Variants in ZFHX3 observed in about 807,000 individuals in gnomAD.
The protein encoded by ZFHX3 is zinc finger homeobox 3.
A neutral mutation model predicts 279.1 loss-of-function variants in ZFHX3; 42 were observed. The observed-to-expected ratio is 0.15, with a 90% CI of 0.12 to 0.19. The LOEUF is 0.19. Among genes scored for constraint, ZFHX3 ranks in the 10% least tolerant of loss-of-function variants. ZFHX3 has a pLI of 1.00. For synonymous variants in ZFHX3, 2,293 were observed against 1,957.8 expected (o/e 1.17, Z -4.52); for missense variants, 4,981 against 4,754.0 (o/e 1.05, Z -1.40).
chr16:73,327,095 A>G (rs928888548), intron 3 of ZFHX3, among the ~76,000 whole-genome samples: 2 of 152,226 alleles, frequency 1.3e-5, no homozygotes, highest in Non-Finnish European at 2.9e-5. Flanking sequence ...TGAAGCCCAG[A>G]CAAATGGTCA....
chr16:72,865,555 C>A (rs149646637), intron 4 of ZFHX3, among the ~76,000 whole-genome samples: 1 of 152,344 alleles, frequency 6.6e-6, no homozygotes, highest in East Asian at 1.9e-4. Context: ...CAAGGGCACA[C>A]TGACAAGGAG....
chr16:72,921,897 C>T (rs1264101461), intron 3 of ZFHX3, among the ~76,000 whole-genome samples: 2 of 152,200 alleles, frequency 1.3e-5, no homozygotes, highest in Admixed American at 6.5e-5. Context: ...ATGAAAATGG[C>T]CACACGCACA....
At position 72,795,430 on chromosome 16, in the gene ZFHX3, T is replaced by A. The variant is rs756797572; in HGVS notation, c.7252A>T (p.Thr2418Ser). 1 of 1,614,094 alleles carries A rather than the reference T, an allele frequency of 6.2e-7. No individual in the cohort carries two copies. Reference protein sequence around the residue: ...QLTAEAEELATFNSKTEAGDE... With the variant: ...QLTAEAEELASFNSKTEAGDE... ...CCTGCCTCTGTTTTTGAATTGAAGG[T>A]GGCCAGTTCCTCAGCCTCCGCTGTA... Residue 2418 changes from threonine (T) to serine (S), a missense_variant, in exon 9 of 10, where the codon ACC becomes TCC. By Grantham distance (58) the Thr-to-Ser change is moderately conservative. Transcript: ENST00000268489.
chr16:73,092,639 G>A (rs922359088), intron 8 of ZFHX3: 2 of 256,918 alleles, frequency 7.8e-6, no homozygotes, highest in South Asian at 4.6e-5. Context: ...AGCCGAGCGC[G>A]AACGCCGTGT....
chr16:73,112,774 G>A (rs118034341), intron 7 of ZFHX3, among the ~76,000 whole-genome samples: 2 of 149,766 alleles, frequency 1.3e-5, no homozygotes, highest in East Asian at 3.9e-4. Context: ...ACTGAGAAAG[G>A]GGAAGGTTAG....
At chr16:72,940,200 GC>G in intron 3 of ZFHX3, among the ~76,000 whole-genome samples, 1 of 152,234 alleles carries the variant, frequency 6.6e-6, no homozygotes, top group Non-Finnish European at 1.5e-5. Flanking sequence ...GTGAGCCATG[GC>G]CCCAAACAAG....
intron 7 of ZFHX3, among the ~76,000 whole-genome samples, chr16:73,128,438 G>A (rs921001884): frequency 6.6e-6 from 1 of 152,212 alleles, no homozygotes; most frequent in Non-Finnish European, 1.5e-5. Context: ...CTAGTGCTCA[G>A]AGAGGTTGAA....
At chr16:73,252,697 C>G (rs908031573) in intron 5 of ZFHX3, among the ~76,000 whole-genome samples, 4 of 152,064 alleles carry the variant, frequency 2.6e-5, no homozygotes, top group African/African-American at 9.7e-5. Context: ...GTAGAAACAT[C>G]GGTCACATGG....
chr16:73,700,468 C>A (rs1050630618), intron 1 of ZFHX3, among the ~76,000 whole-genome samples: 1 of 152,100 alleles, frequency 6.6e-6, no homozygotes, highest in African/African-American at 2.4e-5. Context: ...GCAACAATTT[C>A]TGCTATTAAA....
chr16:72,933,700 T>C (rs982138815), intron 3 of ZFHX3, among the ~76,000 whole-genome samples: 1 of 152,154 alleles, frequency 6.6e-6, no homozygotes, highest in African/African-American at 2.4e-5. Context: ...TGGGTTTTTA[T>C]TGTAGTTTTA....
chr16:73,233,263 C>T (rs1241811833), intron 5 of ZFHX3, among the ~76,000 whole-genome samples: 1 of 152,014 alleles, frequency 6.6e-6, no homozygotes, highest in African/African-American at 2.4e-5. Context: ...TAGGGACCAC[C>T]AGAGTCCAGA....
chr16:73,052,148 G>A (rs940369217), upstream of ZFHX3, among the ~76,000 whole-genome samples: 7 of 151,866 alleles, frequency 4.6e-5, no homozygotes, highest in Admixed American at 2.0e-4. Flanking sequence ...GGAGAAGAAA[G>A]GAAAAGGGAA....
Position 72,788,218 on chromosome 16 carries a change from A to G in ZFHX3, c.10058T>C (p.Met3353Thr). The change falls in exon 10 of 10, where the codon ATG (methionine) becomes ACG (threonine). Residue 3353 changes from methionine to threonine, a missense_variant. Transcript: ENST00000268489. ...PYSPALSQAL[M>T]GLSPGSLLQQ... is the part of the protein sequence containing the mutation. Reference sequence around the variant, plus strand: ...CAGTAGGGAGCCTGGGGACAGCCCCATCAGGGCCTGCGACAGTGCAGGGCT... The same window carrying G: ...CAGTAGGGAGCCTGGGGACAGCCCCGTCAGGGCCTGCGACAGTGCAGGGCT... The G allele has an allele frequency of 6.2e-7, 1 of 1,613,498 alleles. No homozygotes were observed.
rs1224673219 is a variant in ZFHX3 at position 73,635,139 on chromosome 16, T to C, written c.-1547+45041A>G. ...GAAAACTCAAATTTGCAAACTATCA[T>C]GTATTTTTCCTAGGTAATCTTGTCA... On this transcript the variant is annotated intron_variant, in intron 2 of 17. Transcript: ENST00000641206. Among the ~76,000 whole-genome samples the C allele has an allele frequency of 2.0e-5, 3 of 152,278 alleles. 1 individual carries two copies. Among genetic ancestry groups the C allele is most frequent in the African/African-American group, 4.8e-5 (2 of 41,540 alleles).
At chr16:73,025,999 G>C (rs979219365) in intron 1 of ZFHX3, among the ~76,000 whole-genome samples, 9 of 151,892 alleles carry the variant, frequency 5.9e-5, no homozygotes, top group Admixed American at 5.9e-4. Context: ...CGCCAGATTC[G>C]ATGCTTCCCA....
intron 2 of ZFHX3, among the ~76,000 whole-genome samples, chr16:73,500,920 T>C (rs2019228529): frequency 6.6e-6 from 1 of 152,348 alleles, no homozygotes; most frequent in South Asian, 2.1e-4. Flanking sequence ...GAGTGTACAA[T>C]GCTTACAGTC....
At chr16:73,479,791 A>G (rs1043507656) in intron 2 of ZFHX3, among the ~76,000 whole-genome samples, 1 of 152,188 alleles carries the variant, frequency 6.6e-6, no homozygotes, top group African/African-American at 2.4e-5. Context: ...ATTGGCCTGT[A>G]AAGGTAGGGG....
chr16:73,527,091 T>C (rs188974133), intron 2 of ZFHX3, among the ~76,000 whole-genome samples: 1 of 152,286 alleles, frequency 6.6e-6, no homozygotes, highest in Admixed American at 6.5e-5. Flanking sequence ...TTTTGATCAC[T>C]GATCCCATTG....
chr16:73,540,775 A>G (rs1388736134), intron 2 of ZFHX3, among the ~76,000 whole-genome samples: 5 of 152,192 alleles, frequency 3.3e-5, no homozygotes, highest in Non-Finnish European at 5.9e-5. Flanking sequence ...TGTGAACACC[A>G]TATTTGCCAA....
Sources: allele counts gnomAD v4.1 joint callset (sites outside exome capture counted in the v4.1 genomes callset), GRCh38; gene constraint gnomAD v4.1.1; transcripts MANE v1.5; gene names NCBI Gene and HGNC (gene_info 2026-07-23, HGNC 2026-07-21).